SIK2: variants seen among roughly 807,000 people sequenced by gnomAD.
SIK2 encodes the protein salt inducible kinase 2, also known as serine/threonine-protein kinase SIK2.
SIK2 carries 29 observed loss-of-function variants against 103.2 expected under a neutral mutation model. The observed-to-expected ratio is 0.28, with a 90% CI of 0.21 to 0.38. SIK2 has a LOEUF of 0.38. SIK2 is among the 10% of genes least tolerant of loss of function. SIK2 has a pLI of 1.00. For missense variants in SIK2, 879 were observed against 1,171.0 expected (o/e 0.75, Z 3.64); for synonymous variants, 412 against 446.1 (o/e 0.92, Z 0.96).
At position 111,722,809 on chromosome 11, in the gene SIK2, G is replaced by C; in HGVS notation, c.2147+53G>C. The C allele has an allele frequency of 3.9e-6, 6 of 1,522,806 alleles. No individual in the cohort carries two copies. Among genetic ancestry groups the C allele is most frequent in the Non-Finnish European group, 5.4e-6 (6 of 1,101,962 alleles). 94.3% of individuals were successfully genotyped at this position (1,522,806 alleles called of 1,614,324 possible). A position where few individuals can be genotyped will look rare whatever the true frequency, so the allele number is the denominator to read the frequency against. On this transcript the variant is annotated intron_variant, in intron 14 of 14. Coordinates refer to ENST00000304987, the MANE Select transcript of SIK2 (RefSeq NM_015191.3). This position sits in a 1 kb window ranked among gnomAD's most constrained non-coding sequence, Gnocchi z 4.4. ...TTGCTTCCTTTTCTGGAAGCCTTGA[G>C]AACACTGAATGTGTTGTCCTTTTCC...
chr11:111,638,214 T>C (rs979222224), intron 3 of SIK2, among the ~76,000 whole-genome samples: 8 of 152,198 alleles, frequency 5.3e-5, no homozygotes, highest in African/African-American at 1.9e-4. Context: ...CAGTATCCGG[T>C]ATGCATGTTT....
chr11:111,637,495 G>A (rs564069009), intron 3 of SIK2, among the ~76,000 whole-genome samples: 1 of 138,050 alleles, frequency 7.2e-6, no homozygotes, highest in Non-Finnish European at 1.5e-5. Context: ...AGTCTCCCTC[G>A]GTCACCCAGG....
Position 111,627,105 on chromosome 11 carries a change from T to C in SIK2, c.316+6703T>C, listed in dbSNP as rs568174135. Among the ~76,000 whole-genome samples the C allele has an allele frequency of 1.1e-3, 169 of 152,056 alleles. 1 individual carries two copies. Among genetic ancestry groups the C allele is most frequent in the African/African-American group, 3.9e-3 (160 of 41,472 alleles). On this transcript the variant is annotated intron_variant, in intron 3 of 14. Transcript: ENST00000304987. ...AAAATTGTTGCCTATATATGAAATA[T>C]ATAGGGAAGAAAAAGCATAGTAAAC...
At chr11:111,635,037 G>A (rs1000827300) in intron 3 of SIK2, among the ~76,000 whole-genome samples, 4 of 152,132 alleles carry the variant, frequency 2.6e-5, no homozygotes, top group African/African-American at 9.7e-5. Flanking sequence ...TCTTTGAAGA[G>A]GTCAGATCTA....
chr11:111,669,520 C>T (rs1942594615), intron 3 of SIK2, among the ~76,000 whole-genome samples: 1 of 152,002 alleles, frequency 6.6e-6, no homozygotes, highest in South Asian at 2.1e-4. Flanking sequence ...CGCTTGAGCC[C>T]AGGAGTTCTA....
At chr11:111,671,866 C>T (rs1942632248) in intron 3 of SIK2, 2 of 409,954 alleles carry the variant, frequency 4.9e-6, no homozygotes, top group Admixed American at 5.9e-5. Context: ...TCTTGAAGTC[C>T]TCAAGCTGCC....
chr11:111,643,869 G>C (rs1942216431), intron 3 of SIK2, among the ~76,000 whole-genome samples: 1 of 152,000 alleles, frequency 6.6e-6, no homozygotes, highest in African/African-American at 2.4e-5. Flanking sequence ...TGTAGCCCCA[G>C]CTACTCATGA....
In SIK2 at chr11:111,723,749, C is replaced by T; in HGVS notation, c.2401C>T (p.Pro801Ser). 1 of 1,614,120 alleles carries T rather than the reference C, an allele frequency of 6.2e-7. No homozygotes were observed. Among genetic ancestry groups the T allele is most frequent in the Non-Finnish European group, 8.5e-7 (1 of 1,180,046 alleles). The stretch of plus-strand genomic sequence containing the variant: ...CCAGTACCAAGAGATGCAGCTTCAG[C>T]CCCTGCCCTCCACTTCCGGTCCCCG... ...LSQYQEMQLQ[P>S]LPSTSGPRAA... Residue 801 changes from proline to serine, a missense_variant, in exon 15 of 15, where the codon CCC becomes TCC. By Grantham distance (74) the Pro-to-Ser change is moderately conservative. Transcript: ENST00000304987.
chr11:111,651,099 C>T (rs1023754074), intron 3 of SIK2, among the ~76,000 whole-genome samples: 1 of 152,088 alleles, frequency 6.6e-6, no homozygotes, highest in East Asian at 1.9e-4. Context: ...TAATATTTCA[C>T]ATATCATATA....
At chr11:111,662,643 G>A (rs997978203) in intron 3 of SIK2, among the ~76,000 whole-genome samples, 6 of 152,128 alleles carry the variant, frequency 3.9e-5, no homozygotes, top group African/African-American at 1.2e-4. Flanking sequence ...TTGGGAGGCC[G>A]AAGCAGGCAG....
Position 111,602,776 on chromosome 11 carries a change from G to A in SIK2, c.135+78G>A. 4 of 1,418,778 alleles carry A rather than the reference G, an allele frequency of 2.8e-6. No individual in the cohort carries two copies. Among genetic ancestry groups the A allele is most frequent in the Non-Finnish European group, 3.7e-6 (4 of 1,088,614 alleles). The allele number at this position is 1,418,778 out of a possible 1,614,324, so 87.9% of individuals were successfully genotyped here. On this transcript the variant is annotated intron_variant, in intron 1 of 14. Coordinates refer to ENST00000304987, the MANE Select transcript of SIK2 (RefSeq NM_015191.3). The surrounding 1 kb of genome is among the most constrained non-coding windows in gnomAD (Gnocchi z 4.5). ...CTGCTTACCGAGAGGGGCGGCCGCA[G>A]TGGTGGGACCGGGGAGACCCGAGAG... is the stretch of plus-strand genomic sequence containing the variant.
intron 1 of SIK2, among the ~76,000 whole-genome samples, chr11:111,605,827 T>C (rs960688976): frequency 2.6e-5 from 4 of 152,226 alleles, no homozygotes; most frequent in African/African-American, 9.6e-5. Context: ...TCAAACAGTT[T>C]AACATTGTTT....
intron 3 of SIK2, among the ~76,000 whole-genome samples, chr11:111,625,399 T>C (rs1363875457): frequency 2.0e-5 from 3 of 152,052 alleles, no homozygotes; most frequent in Non-Finnish European, 4.4e-5. Context: ...GTACAATCAG[T>C]AGGACTTCTC....
chr11:111,616,504 A>T, intron 2 of SIK2, 145 bp downstream of exon 2: 1 of 593,794 alleles, frequency 1.7e-6, no homozygotes, highest in South Asian at 2.3e-5. Flanking sequence ...CCATTTTTCT[A>T]TATTGTCTTT....
intron 3 of SIK2, among the ~76,000 whole-genome samples, chr11:111,664,452 C>A (rs1038983621): frequency 6.6e-6 from 1 of 152,060 alleles, no homozygotes; most frequent in Non-Finnish European, 1.5e-5. Flanking sequence ...CCTGTCTCTA[C>A]TCAAAATACA....
intron 4 of SIK2, among the ~76,000 whole-genome samples, chr11:111,694,193 C>T (rs1943016457): frequency 6.6e-6 from 1 of 152,046 alleles, no homozygotes; most frequent in South Asian, 2.1e-4. Context: ...GAAAACAAAG[C>T]CTTAAAATTT....
chr11:111,667,556 A>G (rs936369176), intron 3 of SIK2, among the ~76,000 whole-genome samples: 1 of 147,934 alleles, frequency 6.8e-6, no homozygotes, highest in East Asian at 2.0e-4. Context: ...CGGTGGCACA[A>G]TCTCAGCTCA....
At chr11:111,706,879 G>C (rs1591633677) in intron 8 of SIK2, among the ~76,000 whole-genome samples, 2 of 149,286 alleles carry the variant, frequency 1.3e-5, no homozygotes, top group Non-Finnish European at 1.5e-5. Flanking sequence ...AGAATCGCTT[G>C]AACCTGGGAG....
chr11:111,621,943 A>G lies in SIK2; in HGVS notation c.316+1541A>G, dbSNP rs910146990. 1.4e-3 allele frequency among the ~76,000 whole-genome samples: 219 copies of G among 151,960 alleles called. 2 individuals are homozygous for G. The highest frequency in any genetic ancestry group is 2.5e-3 in the Non-Finnish European group (168 of 67,932). ...AAAAAAAAAAACCTTACATCAGTGT[A>G]CTTCTCTTTTGCCCCTCCTGGCCTT... On this transcript the variant is annotated intron_variant, in intron 3 of 14. Transcript: ENST00000304987.
Sources: gnomAD v4.1 joint callset for allele counts (sites outside exome capture counted in the v4.1 genomes callset) on GRCh38, gnomAD v4.1.1 for gene constraint, Gnocchi (gnomAD v3.1) non-coding constraint, MANE v1.5 for transcripts, NCBI Gene and HGNC (gene_info 2026-07-23, HGNC 2026-07-21) for gene names.